The following PPP1R12B variants were observed in gnomAD, a reference collection of about 807,000 sequenced individuals.
PPP1R12B encodes protein phosphatase 1 regulatory subunit 12B.
PPP1R12B carries 76 observed loss-of-function variants against 126.1 expected under a neutral mutation model. That is an observed-to-expected ratio of 0.60 (90% CI 0.50 to 0.73). The LOEUF (loss-of-function observed/expected upper bound fraction) is 0.73. Ranked by LOEUF, PPP1R12B falls within the 30% of genes least tolerant of loss-of-function variation. The pLI is 0.00. For synonymous variants in PPP1R12B, 356 were observed against 434.7 expected (o/e 0.82, Z 2.25); for missense variants, 1,052 against 1,205.1 (o/e 0.87, Z 1.88).
At position 202,431,492 on chromosome 1, in the gene PPP1R12B, G is replaced by C. The variant is rs1246030102; in HGVS notation, c.1014G>C (p.Met338Ile). The change falls in exon 8 of 24, where the codon ATG becomes ATC. Residue 338 changes from methionine (M) to isoleucine (I), a missense_variant. Met to Ile is a conservative substitution (Grantham distance 10, BLOSUM62 1). Coordinates refer to ENST00000608999, the MANE Select transcript of PPP1R12B (RefSeq NM_002481.4). ...QSGFFKNKEK[M>I]LYEEETPKSQ... ...ATCTTTAATTTAGCAAAGAGAAGAT[G>C]CTCTATGAGGAGGAGACACCTAAGT... 6.3e-6 allele frequency: 10 copies of C among 1,597,678 alleles called. No individual in the cohort carries two copies. The highest frequency in any genetic ancestry group is 7.7e-6 in the Non-Finnish European group (9 of 1,175,274).
In PPP1R12B at chr1:202,468,238, A is replaced by G. The variant is rs542052714; in HGVS notation, c.1850+19067A>G. 5.3e-5 allele frequency among the ~76,000 whole-genome samples: 8 copies of G among 152,002 alleles called. No individual in the cohort carries two copies. In the East Asian group the frequency reaches 9.7e-4, roughly 18 times the overall value. ...AAGCTCTTTAGTTTAATTAGATCCCATTTGTCAATTTTGGCTTTTGTTGCC... is the reference window on the plus strand; with the variant it reads ...AAGCTCTTTAGTTTAATTAGATCCCGTTTGTCAATTTTGGCTTTTGTTGCC... On this transcript the variant is annotated intron_variant, in intron 13 of 23. Transcript: ENST00000608999.
chr1:202,436,645 T>C lies in PPP1R12B; in HGVS notation c.1255-1176T>C, dbSNP rs181566706. ...TCCTTGGCCTAATGCTGGTCTATGATGTTTCCCTAGTTTATGGCAAAATGA... is the reference window on the plus strand; with the variant it reads ...TCCTTGGCCTAATGCTGGTCTATGACGTTTCCCTAGTTTATGGCAAAATGA... On this transcript the variant is annotated intron_variant, in intron 9 of 23. Transcript: ENST00000608999. Among the ~76,000 whole-genome samples the C allele has an allele frequency of 2.4e-4, 36 of 152,238 alleles. No homozygotes were observed. In the East Asian group the frequency reaches 6.2e-3, roughly 26 times the overall value.
intron 1 of PPP1R12B, among the ~76,000 whole-genome samples, chr1:202,380,600 C>G (rs992501783): frequency 1.4e-4 from 21 of 149,356 alleles, no homozygotes; most frequent in African/African-American, 4.4e-4. Flanking sequence ...ATTCTCAACA[C>G]CCCCCCCATT....
chr1:202,505,540 A>AT (rs1046330093), intron 18 of PPP1R12B, among the ~76,000 whole-genome samples: 1 of 151,978 alleles, frequency 6.6e-6, no homozygotes, highest in Non-Finnish European at 1.5e-5. Flanking sequence ...ACCAGTCAGT[A>AT]TTTTTGCCAT....
intron 19 of PPP1R12B, among the ~76,000 whole-genome samples, chr1:202,559,408 T>C (rs1221570069): frequency 6.6e-6 from 1 of 152,202 alleles, no homozygotes; most frequent in Non-Finnish European, 1.5e-5. Context: ...ACCTAGATGA[T>C]GCTCCTTAGT....
intron 2 of PPP1R12B, among the ~76,000 whole-genome samples, chr1:202,421,301 CTTTTTTTTT>C (rs764287116): frequency 1.5e-5 from 2 of 136,780 alleles, no homozygotes; most frequent in Non-Finnish European, 3.2e-5. Flanking sequence ...TTATCTCTCT[CTTTTTTTTT>C]TTTTTTTTTT....
At chr1:202,496,968 G>T in intron 18 of PPP1R12B, 146 bp downstream of exon 18, 1 of 746,342 alleles carries the variant, frequency 1.3e-6, no homozygotes, top group Non-Finnish European at 2.2e-6. Context: ...GATGGGGCAG[G>T]TGTTAGTTTG....
At chr1:202,496,922 T>C in intron 18 of PPP1R12B, 100 bp downstream of exon 18, 2 of 1,240,578 alleles carry the variant, frequency 1.6e-6, no homozygotes, top group Non-Finnish European at 2.3e-6. Flanking sequence ...CAGATTTTAG[T>C]TGAGAAGGAG....
intron 13 of PPP1R12B, among the ~76,000 whole-genome samples, chr1:202,464,583 C>T (rs1674745874): frequency 6.6e-6 from 1 of 152,094 alleles, no homozygotes; most frequent in Non-Finnish European, 1.5e-5. Flanking sequence ...GTATAAAGCT[C>T]CCTGGATTGC....
intron 13 of PPP1R12B, among the ~76,000 whole-genome samples, chr1:202,484,921 T>C (rs1236956056): frequency 6.6e-6 from 1 of 152,148 alleles, no homozygotes; most frequent in Admixed American, 6.5e-5. Context: ...CACACAACCC[T>C]GCAGTGGTCT....
At chr1:202,523,353 A>G (rs567755870) in intron 18 of PPP1R12B, among the ~76,000 whole-genome samples, 7 of 152,338 alleles carry the variant, frequency 4.6e-5, no homozygotes, top group African/African-American at 1.7e-4. Flanking sequence ...AGAGGATTGG[A>G]TGGAGAAAGT....
At position 202,488,528 on chromosome 1, in the gene PPP1R12B, T is replaced by C; in HGVS notation, c.1851-5T>C. 2 of 1,600,790 alleles carry C rather than the reference T, an allele frequency of 1.2e-6. No homozygotes were observed. The highest frequency in any genetic ancestry group is 1.7e-6 in the Non-Finnish European group (2 of 1,169,872). On this transcript the variant is annotated splice_region_variant and splice_polypyrimidine_tract_variant and intron_variant, in intron 13 of 23. Transcript: ENST00000608999. ...GCTTTTGCTATTACTTTTTTTTCTC[T>C]GCAGGTCCTATCTGACTCCTGTACG...
At position 202,450,976 on chromosome 1, in the gene PPP1R12B, C is replaced by T. The variant is rs541324911; in HGVS notation, c.1850+1805C>T. Reference sequence around the variant, plus strand: ...TATGGACGTTTTAACAATATTGATTCTTCCAGTCCATGAATATGGAATATC... The same window carrying T: ...TATGGACGTTTTAACAATATTGATTTTTCCAGTCCATGAATATGGAATATC... On this transcript the variant is annotated intron_variant, in intron 13 of 23. Transcript: ENST00000608999. Among the ~76,000 whole-genome samples, 7 of 152,228 alleles carry T rather than the reference C, an allele frequency of 4.6e-5. No individual in the cohort carries two copies. The East Asian group carries it at 1.3e-3, about 29-fold the overall frequency.
At chr1:202,424,217 A>G (rs1189129562) in intron 3 of PPP1R12B, among the ~76,000 whole-genome samples, 2 of 152,174 alleles carry the variant, frequency 1.3e-5, no homozygotes, top group Admixed American at 6.5e-5. Context: ...CAGCACTGCT[A>G]ACACTTCTTT....
intron 18 of PPP1R12B, among the ~76,000 whole-genome samples, chr1:202,536,183 A>G (rs1684510105): frequency 6.6e-6 from 1 of 152,242 alleles, no homozygotes; most frequent in Non-Finnish European, 1.5e-5. Context: ...CGACAGGGAT[A>G]CATTCTAAGA....
At chr1:202,370,327 G>GT (rs1177688657) in intron 1 of PPP1R12B, among the ~76,000 whole-genome samples, 2 of 152,004 alleles carry the variant, frequency 1.3e-5, no homozygotes, top group Non-Finnish European at 2.9e-5. Flanking sequence ...ATAGTTTATT[G>GT]TTTTTTATGG....
intron 9 of PPP1R12B, 132 bp from the exon 10 acceptor site, chr1:202,437,689 G>GC (rs775906146): frequency 2.6e-5 from 20 of 767,874 alleles, no homozygotes; most frequent in Non-Finnish European, 3.7e-5. Flanking sequence ...CAGAAAGACT[G>GC]CCATGTATTT....
chr1:202,371,954 C>G (rs1185338856), intron 1 of PPP1R12B, among the ~76,000 whole-genome samples: 1 of 146,606 alleles, frequency 6.8e-6, no homozygotes, highest in African/African-American at 2.5e-5. Flanking sequence ...TCACTGCAAC[C>G]TCTGCCTCCC....
intron 2 of PPP1R12B, 46 bp from the exon 3 acceptor site, chr1:202,422,574 A>G (rs777651185): frequency 3.2e-6 from 5 of 1,585,234 alleles, no homozygotes; most frequent in Non-Finnish European, 4.3e-6. Flanking sequence ...GGTAAAATTT[A>G]TATTAGATTG....
Sources: allele counts gnomAD v4.1 joint callset (sites outside exome capture counted in the v4.1 genomes callset), GRCh38; gene constraint gnomAD v4.1.1; transcripts MANE v1.5; gene names NCBI Gene and HGNC (gene_info 2026-07-23, HGNC 2026-07-21).